WDR5: variants seen among roughly 807,000 people sequenced by gnomAD.
The protein encoded by WDR5 is WD repeat domain 5.
For synonymous variants in WDR5, 144 were observed against 161.6 expected (o/e 0.89, Z 0.83); for missense variants, 187 against 416.9 (o/e 0.45, Z 4.80).
chr9:134,144,140 T>C (rs1037018540), intron 7 of WDR5, among the ~76,000 whole-genome samples: 1 of 152,246 alleles, frequency 6.6e-6, no homozygotes, highest in African/African-American at 2.4e-5. Context: ...ACGGACAGTG[T>C]GTCAGGCCTG....
At position 134,157,439 on chromosome 9, in the gene WDR5, T is replaced by C. The variant is rs1000582571; in HGVS notation, c.905-454T>C. ...CTGTGGGGTGCTCTGGGGCTTAGCA[T>C]TGGGGGGAGGCGGTGGGAGTGGGCG... On this transcript the variant is annotated intron_variant, in intron 13 of 13. Coordinates refer to ENST00000358625, the MANE Select transcript of WDR5 (RefSeq NM_017588.3). The surrounding 1 kb of genome is among the most constrained non-coding windows in gnomAD (Gnocchi z 5.0). Among the ~76,000 whole-genome samples, 67 of 152,068 alleles carry C rather than the reference T, an allele frequency of 4.4e-4. No individual in the cohort carries two copies. The highest frequency in any genetic ancestry group is 9.8e-4 in the Admixed American group (15 of 15,276).
At chr9:134,154,965 C>G (rs1160877648) in intron 10 of WDR5, among the ~76,000 whole-genome samples, 2 of 152,222 alleles carry the variant, frequency 1.3e-5, no homozygotes, top group Non-Finnish European at 2.9e-5. Context: ...CCCTGTGGGT[C>G]CGAGCCTGGG....
Position 134,141,599 on chromosome 9 carries a change from G to A in WDR5, c.264+16G>A, listed in dbSNP as rs775729594. 5.5e-5 allele frequency: 88 copies of A among 1,613,898 alleles called. No homozygotes were observed. Among genetic ancestry groups the A allele is most frequent in the Middle Eastern group, 3.3e-4 (2 of 6,084 alleles). ...TCACAAGCTGGTAGGTTTCAGCCCT[G>A]TGCGGTGAAGTTGACTGTTGAACAG... On this transcript the variant is annotated intron_variant, in intron 4 of 13. Coordinates refer to ENST00000358625, the MANE Select transcript of WDR5 (RefSeq NM_017588.3).
At chr9:134,138,497 C>T (rs1564186865) in intron 1 of WDR5, among the ~76,000 whole-genome samples, 1 of 152,164 alleles carries the variant, frequency 6.6e-6, no homozygotes, top group Admixed American at 6.5e-5. Flanking sequence ...TGACAAGTAC[C>T]ACGTAGCTGG....
At chr9:134,152,168 G>A (rs1017846779) in intron 9 of WDR5, 139 bp downstream of exon 9, 2 of 1,024,612 alleles carry the variant, frequency 2.0e-6, no homozygotes, top group South Asian at 3.2e-5. Flanking sequence ...CTCCGTGTCC[G>A]ACCGTTCCGC....
At chr9:134,153,343 G>A (rs948224810) in intron 9 of WDR5, among the ~76,000 whole-genome samples, 3 of 152,194 alleles carry the variant, frequency 2.0e-5, no homozygotes, top group Non-Finnish European at 2.9e-5. Context: ...CGGAGGGGTC[G>A]CTGCATAGCA....
chr9:134,151,072 T>C (rs1832462822), intron 8 of WDR5, among the ~76,000 whole-genome samples: 1 of 152,142 alleles, frequency 6.6e-6, no homozygotes, highest in Non-Finnish European at 1.5e-5. Context: ...CCGCAGTGAT[T>C]GCGGAGCTAG....
At chr9:134,149,655 C>T (rs1832396156) in intron 8 of WDR5, among the ~76,000 whole-genome samples, 1 of 152,126 alleles carries the variant, frequency 6.6e-6, no homozygotes, top group Non-Finnish European at 1.5e-5. Flanking sequence ...CTAAAGAAAT[C>T]AGAAAAAGTA....
rs763641318 is a variant in WDR5, at chr9:134,137,503, C to T, written c.-59+1303C>T. ...TTCGAGACTAGCCTGGGCAACATGG[C>T]GAAACTCCGTCTCTACTAAAAATAC... On this transcript the variant is annotated intron_variant, in intron 1 of 13. Coordinates refer to ENST00000358625, the MANE Select transcript of WDR5 (RefSeq NM_017588.3). 1.3e-4 allele frequency among the ~76,000 whole-genome samples: 20 copies of T among 151,844 alleles called. No individual in the cohort carries two copies. In the Middle Eastern group the frequency reaches 0.014, roughly 103 times the overall value.
In WDR5 at chr9:134,156,516, C is replaced by G. The variant is rs1832750359; in HGVS notation, c.827C>G (p.Ser276Cys). ...CTTGTTGTTACGTAGTGGATTGTGT[C>G]TGGCTCAGAGGATAACCTTGTTTAC... ...FSVTGGKWIV[S>C]GSEDNLVYIW... The change falls in exon 13 of 14, where the codon TCT becomes TGT. Residue 276 changes from serine (S) to cysteine (C), a missense_variant. Transcript: ENST00000358625. 6.2e-7 allele frequency: 1 copy of G among 1,614,222 alleles called. No individual in the cohort carries two copies. The highest frequency in any genetic ancestry group is 8.5e-7 in the Non-Finnish European group (1 of 1,180,024).
chr9:134,155,039 A>G (rs1436933433), intron 10 of WDR5, among the ~76,000 whole-genome samples: 2 of 152,210 alleles, frequency 1.3e-5, no homozygotes, highest in African/African-American at 4.8e-5. Flanking sequence ...TCCAGAACCA[A>G]GAGGACTTCC....
At chr9:134,141,806 T>C (rs888524189) in intron 4 of WDR5, 143 bp from the exon 5 acceptor site, 10 of 908,536 alleles carry the variant, frequency 1.1e-5, no homozygotes, top group Non-Finnish European at 1.5e-5. Context: ...CCTGCTGTTT[T>C]TCTCCTGGGC....
At chr9:134,154,568 C>T (rs1372867345) in intron 10 of WDR5, 27 bp downstream of exon 10, 24 of 1,611,086 alleles carry the variant, frequency 1.5e-5, no homozygotes, top group East Asian at 1.1e-4. Context: ...ACTGTGGGGG[C>T]GGGCATGTGG....
At chr9:134,140,041 T>TA (rs1831799647) in intron 2 of WDR5, 83 bp downstream of exon 2, 1 of 1,474,890 alleles carries the variant, frequency 6.8e-7, no homozygotes, top group African/African-American at 1.4e-5. Context: ...CTCATAAGCC[T>TA]AGTCTTCCCT....
At position 134,157,709 on chromosome 9, in the gene WDR5, C is replaced by G. The variant is rs1056746172; in HGVS notation, c.905-184C>G. On this transcript the variant is annotated intron_variant, in intron 13 of 13. Transcript: ENST00000358625. The surrounding 1 kb of genome is among the most constrained non-coding windows in gnomAD (Gnocchi z 5.0). ...GTGTCGCCCTGGTACCGGCTGCTGT[C>G]CCCTCGCTCCCCTCCCCTGGGCTCC... Among the ~76,000 whole-genome samples the G allele has an allele frequency of 6.6e-6, 1 of 152,096 alleles. No homozygotes were observed. Among genetic ancestry groups the G allele is most frequent in the Non-Finnish European group, 1.5e-5 (1 of 68,008 alleles).
At chr9:134,140,961 T>G (rs908415445) in intron 3 of WDR5, 150 bp downstream of exon 3, 2 of 735,306 alleles carry the variant, frequency 2.7e-6, no homozygotes, top group African/African-American at 3.5e-5. Context: ...TGTCTCCTCC[T>G]GGAACTGTGA....
chr9:134,148,613 G>C (rs117813417), intron 8 of WDR5, among the ~76,000 whole-genome samples: 1 of 152,142 alleles, frequency 6.6e-6, no homozygotes, highest in African/African-American at 2.4e-5. Flanking sequence ...CTTCAGCTCC[G>C]TGTAGACGCT....
At chr9:134,154,134 G>T (rs1036753394) in intron 9 of WDR5, among the ~76,000 whole-genome samples, 3 of 152,172 alleles carry the variant, frequency 2.0e-5, no homozygotes, top group Admixed American at 1.3e-4. Context: ...TCCCTCTGTT[G>T]AGTTGGGCAT....
chr9:134,151,244 G>A (rs981731646), intron 8 of WDR5, among the ~76,000 whole-genome samples: 8 of 152,142 alleles, frequency 5.3e-5, no homozygotes, highest in Non-Finnish European at 1.0e-4. Flanking sequence ...TTGAAGTGTG[G>A]GCAGAACAGG....
Sources: gnomAD v4.1 joint callset for allele counts (sites outside exome capture counted in the v4.1 genomes callset) on GRCh38, gnomAD v4.1.1 for gene constraint, Gnocchi (gnomAD v3.1) non-coding constraint, MANE v1.5 for transcripts, NCBI Gene and HGNC (gene_info 2026-07-23, HGNC 2026-07-21) for gene names.